LMTK2: variants seen among roughly 807,000 people sequenced by gnomAD.
LMTK2 encodes lemur tail kinase 2.
In LMTK2, 37 loss-of-function variants were observed where a neutral mutation model predicts 127.5. The ratio of observed to expected loss-of-function variants is 0.29; its 90% confidence interval spans 0.22 to 0.38. The LOEUF (loss-of-function observed/expected upper bound fraction) is 0.38, where lower values mean the gene tolerates loss of function less well. LMTK2 is among the 10% of genes least tolerant of loss of function. The pLI, the probability that LMTK2 is intolerant of heterozygous loss-of-function variation, is 1.00. For missense variants in LMTK2, 1,694 were observed against 1,920.3 expected, an observed-to-expected ratio of 0.88 and a Z score of 2.20; for synonymous variants, 819 against 810.1, an observed-to-expected ratio of 1.01 and a Z score of -0.19.
rs548665366 is a variant in LMTK2 at position 98,171,636 on chromosome 7, G to A, written c.753G>A (p.Ala251=). 68 of 1,604,654 alleles carry A rather than the reference G, an allele frequency of 4.2e-5. No individual in the cohort carries two copies. Among genetic ancestry groups the A allele is most frequent in the East Asian group, 1.6e-4 (7 of 44,824 alleles). ...AGAGGATGGCGTGCGAGGTCGCCGC[G>A]GGGCTGGCCGCCATGCACAAGCTGC... The part of the protein sequence containing the change: ...LLQRMACEVA[A]GLAAMHKLHF... The change falls in exon 7 of 14, where the codon GCG becomes GCA. Residue 251 remains alanine (A), a synonymous_variant. Transcript: ENST00000297293. The surrounding 1 kb of genome is among the most constrained non-coding windows in gnomAD (Gnocchi z 5.1).
Position 98,193,965 on chromosome 7 carries a change from C to T in LMTK2, c.3500C>T (p.Ala1167Val). ...KSQPDESCLSALHNSSDLELR... is the reference protein window; with the variant it reads ...KSQPDESCLSVLHNSSDLELR... ...CAGCCAGATGAAAGTTGTCTGTCTG[C>T]TTTGCACAACTCCAGTGACCTGGAA... The change falls in exon 11 of 14, where the codon GCT becomes GTT. Residue 1167 changes from alanine (A) to valine (V), a missense_variant. This residue lies in a region of LMTK2 where 554 missense variants were observed against 567.7 expected (regional missense o/e 0.98). Coordinates refer to ENST00000297293, the MANE Select transcript of LMTK2 (RefSeq NM_014916.4). This position sits in a 1 kb window ranked among gnomAD's most constrained non-coding sequence, Gnocchi z 4.1. 6.2e-7 allele frequency: 1 copy of T among 1,614,100 alleles called. No homozygotes were observed. Among genetic ancestry groups the T allele is most frequent in the Non-Finnish European group, 8.5e-7 (1 of 1,180,054 alleles).
chr7:98,149,873 C>G lies in LMTK2; in HGVS notation c.377-1509C>G, dbSNP rs188274293. Among the ~76,000 whole-genome samples the G allele has an allele frequency of 3.2e-4, 49 of 152,188 alleles. 1 individual carries two copies. The highest frequency in any genetic ancestry group is 1.1e-3 in the African/African-American group (44 of 41,516). ...GCCGTGGACTGGGAGAAAACATTTG[C>G]AGATTACATATTTGTTAAAGGACTT... On this transcript the variant is annotated intron_variant, in intron 3 of 13. Coordinates refer to ENST00000297293, the MANE Select transcript of LMTK2 (RefSeq NM_014916.4).
At chr7:98,167,952 C>T (rs1458831283) in intron 6 of LMTK2, among the ~76,000 whole-genome samples, 2 of 152,104 alleles carry the variant, frequency 1.3e-5, no homozygotes, top group Non-Finnish European at 2.9e-5. Context: ...AAGGAAAGAA[C>T]GGGCCGGTCT....
rs1367946351 is a variant in LMTK2, at chr7:98,194,432, A to G, written c.3967A>G (p.Ser1323Gly). The G allele has an allele frequency of 2.2e-5, 35 of 1,614,032 alleles. No individual in the cohort carries two copies. The Admixed American group carries it at 3.0e-4, about 14-fold the overall frequency. The change falls in exon 11 of 14, where the codon AGC becomes GGC. Residue 1323 changes from serine to glycine, a missense_variant. This residue lies in a region of LMTK2 where 554 missense variants were observed against 567.7 expected (regional missense o/e 0.98). Transcript: ENST00000297293. The surrounding 1 kb of genome is among the most constrained non-coding windows in gnomAD (Gnocchi z 5.4). ...CGAGCACCCCGTGCCCATCATCCTCAGCAACGAGGACGGAAGGCACCTGCG... is the reference window on the plus strand; with the variant it reads ...CGAGCACCCCGTGCCCATCATCCTCGGCAACGAGGACGGAAGGCACCTGCG... Reference protein sequence around the residue: ...ETEHPVPIILSNEDGRHLRSL... With the variant: ...ETEHPVPIILGNEDGRHLRSL...
intron 1 of LMTK2, among the ~76,000 whole-genome samples, chr7:98,115,280 G>A (rs1796261781): frequency 6.6e-6 from 1 of 152,000 alleles, no homozygotes; most frequent in South Asian, 2.1e-4. Context: ...GCTGGGTATG[G>A]TGGCACACTC....
At chr7:98,195,133 T>C (rs1450568647) in intron 11 of LMTK2, among the ~76,000 whole-genome samples, 1 of 152,220 alleles carries the variant, frequency 6.6e-6, no homozygotes, top group African/African-American at 2.4e-5. Context: ...TCCTCCCACC[T>C]CAGCCTCTCA....
chr7:98,161,224 G>C (rs954531829), intron 6 of LMTK2, among the ~76,000 whole-genome samples: 2 of 151,902 alleles, frequency 1.3e-5, no homozygotes, highest in African/African-American at 4.8e-5. Context: ...GTCTGGACTT[G>C]AGATATTTGT....
chr7:98,185,266 A>T, intron 8 of LMTK2, 131 bp downstream of exon 8: 1 of 640,312 alleles, frequency 1.6e-6, no homozygotes, highest in East Asian at 2.9e-5. Flanking sequence ...TGCAGCAGTC[A>T]TTTTAATGTG....
chr7:98,197,320 G>C, intron 11 of LMTK2, among the ~76,000 whole-genome samples: 1 of 152,360 alleles, frequency 6.6e-6, no homozygotes, highest in East Asian at 1.9e-4. Flanking sequence ...GCCCCAGTGA[G>C]TAGCAGTGCT....
At chr7:98,169,894 T>C (rs1797159153) in intron 6 of LMTK2, among the ~76,000 whole-genome samples, 1 of 152,164 alleles carries the variant, frequency 6.6e-6, no homozygotes, top group African/African-American at 2.4e-5. Context: ...TGGAAGGAAA[T>C]GTATGAAGGA....
intron 11 of LMTK2, among the ~76,000 whole-genome samples, chr7:98,200,198 T>C (rs1253527851): frequency 6.6e-6 from 1 of 152,210 alleles, no homozygotes; most frequent in African/African-American, 2.4e-5. Flanking sequence ...ATATTTCAGA[T>C]GGAATGTGGA....
intron 1 of LMTK2, among the ~76,000 whole-genome samples, chr7:98,120,748 G>T (rs1300407780): frequency 6.6e-6 from 1 of 152,120 alleles, no homozygotes; most frequent in African/African-American, 2.4e-5. Flanking sequence ...CAGCCTGTCA[G>T]TTACTGAGCA....
rs1796903897 is a variant in LMTK2 at position 98,154,803 on chromosome 7, A to G, written c.496A>G (p.Ile166Val). 9 of 1,613,892 alleles carry G rather than the reference A, an allele frequency of 5.6e-6. No individual in the cohort carries two copies. Residue 166 changes from isoleucine to valine, a missense_variant, in exon 5 of 14, where the codon ATC becomes GTC. This residue lies in a region of LMTK2 where 203 missense variants were observed against 226.2 expected (regional missense o/e 0.90). Transcript: ENST00000297293. The part of the protein sequence containing the change: ...IYTGTSVARV[I>V]VKELKASANP... ...CACGGGCACTAGCGTAGCAAGAGTCATCGTGAAGGAGTTAAAAGCAAGTGC... is the reference window on the plus strand; with the variant it reads ...CACGGGCACTAGCGTAGCAAGAGTCGTCGTGAAGGAGTTAAAAGCAAGTGC...
chr7:98,141,094 T>C (rs1195951111), intron 2 of LMTK2, among the ~76,000 whole-genome samples: 1 of 151,430 alleles, frequency 6.6e-6, no homozygotes, highest in Non-Finnish European at 1.5e-5. Flanking sequence ...AAAGAATTGC[T>C]TAAACTGTAG....
At chr7:98,151,956 G>T (rs1471200309) in intron 4 of LMTK2, among the ~76,000 whole-genome samples, 2 of 152,132 alleles carry the variant, frequency 1.3e-5, no homozygotes, top group Non-Finnish European at 2.9e-5. Context: ...AAAGGACACA[G>T]ACATTTCGAT....
At chr7:98,109,440 CTG>C in intron 1 of LMTK2, among the ~76,000 whole-genome samples, 1 of 151,924 alleles carries the variant, frequency 6.6e-6, no homozygotes, top group African/African-American at 2.4e-5. Context: ...GGGTTAAAGT[CTG>C]TGGAAAAGAC....
intron 1 of LMTK2, among the ~76,000 whole-genome samples, chr7:98,130,951 C>T (rs1432620581): frequency 1.3e-5 from 2 of 152,178 alleles, no homozygotes; most frequent in Non-Finnish European, 2.9e-5. Context: ...CTGCTTTCTT[C>T]CATTTAAACT....
intron 2 of LMTK2, among the ~76,000 whole-genome samples, chr7:98,140,121 T>TC (rs1491475988): frequency 1.2e-3 from 3 of 2,410 alleles, no homozygotes; most frequent in Admixed American, 4.5e-3. Flanking sequence ...TTTCTTTCTT[T>TC]CTTTCTTTCT....
intron 7 of LMTK2, among the ~76,000 whole-genome samples, chr7:98,181,022 G>A (rs148230313): frequency 4.2e-3 from 637 of 152,254 alleles, no homozygotes; most frequent in African/African-American, 0.014. Context: ...GAGCCCTTCT[G>A]CGCCACAGTG....
Sources: gnomAD v4.1 joint callset for allele counts (sites outside exome capture counted in the v4.1 genomes callset) on GRCh38, gnomAD v4.1.1 for gene constraint, gnomAD v4.1.1 regional missense constraint, Gnocchi (gnomAD v3.1) non-coding constraint, MANE v1.5 for transcripts, NCBI Gene and HGNC (gene_info 2026-07-23, HGNC 2026-07-21) for gene names.